Variants in TNKS1BP1 observed in about 807,000 individuals in gnomAD.
TNKS1BP1 encodes the protein 182 kDa tankyrase-1-binding protein.
Under a neutral mutation model 141.1 loss-of-function variants are expected in TNKS1BP1, and 48 were observed. The observed-to-expected ratio is 0.34, with a 90% confidence interval of 0.27 to 0.43. The LOEUF (loss-of-function observed/expected upper bound fraction) is 0.43, where lower values mean the gene tolerates loss of function less well. TNKS1BP1 is among the 20% of genes least tolerant of loss of function. The pLI, the probability that TNKS1BP1 is intolerant of heterozygous loss-of-function variation, is 1.00. For missense variants in TNKS1BP1, 2,149 were observed against 2,226.0 expected, an observed-to-expected ratio of 0.97 and a Z score of 0.70; for synonymous variants, 875 against 898.2, an observed-to-expected ratio of 0.97 and a Z score of 0.46.
At chr11:57,311,140 T>G in intron 5 of TNKS1BP1, 1 of 782,680 alleles carries the variant, frequency 1.3e-6, no homozygotes, top group Non-Finnish European at 1.6e-6. Context: ...GCCCTCACCC[T>G]GGCCCAGGAA....
At position 57,321,752 on chromosome 11, in the gene TNKS1BP1, C is replaced by G. The variant is rs113905141; in HGVS notation, c.94+40G>C. 396 of 1,473,652 alleles carry G rather than the reference C, an allele frequency of 2.7e-4. 2 individuals are homozygous for G. Among genetic ancestry groups the G allele is most frequent in the Non-Finnish European group, 6.5e-5 (69 of 1,067,218 alleles). 91.3% of individuals were successfully genotyped at this position (1,473,652 alleles called of 1,614,324 possible). A position where few individuals can be genotyped will look rare whatever the true frequency, so the allele number is the denominator to read the frequency against. ...GGGGCAGCCTCTGTCCTTCCCACCC[C>G]CCTCCCAGCCACCTGGCTCCACCCT... On this transcript the variant is annotated intron_variant, in intron 2 of 11. Transcript: ENST00000358252.
At position 57,309,877 on chromosome 11, in the gene TNKS1BP1, G is replaced by A. The variant is rs200570663; in HGVS notation, c.2834C>T (p.Ala945Val). ...VSLGTYGSRA[A>V]EPQEQEFGKS... ...CCCAAACTCCTGTTCCTGTGGCTCCGCAGCCCGGCTGCCATAGGTGCCGAG... is the reference window on the plus strand; with the variant it reads ...CCCAAACTCCTGTTCCTGTGGCTCCACAGCCCGGCTGCCATAGGTGCCGAG... Residue 945 changes from alanine to valine, a missense_variant, in exon 6 of 12, where the codon GCG (alanine) becomes GTG (valine). Ala to Val is a moderately conservative substitution (Grantham distance 64). Transcript: ENST00000358252. This position sits in a 1 kb window ranked among gnomAD's most constrained non-coding sequence, Gnocchi z 4.3. 1.4e-4 allele frequency: 227 copies of A among 1,608,438 alleles called. 1 individual carries two copies. The highest frequency in any genetic ancestry group is 8.1e-4 in the South Asian group (74 of 90,896).
chr11:57,301,894 T>C lies in TNKS1BP1; in HGVS notation c.4884A>G (p.Glu1628=). Residue 1628 remains glutamate (E), a synonymous_variant, in exon 9 of 12, where the codon GAA becomes GAG. Coordinates refer to ENST00000358252, the MANE Select transcript of TNKS1BP1 (RefSeq NM_033396.3). The stretch of plus-strand genomic sequence containing the variant: ...ACATCCGTGTCCGGCGGCTCTGAGG[T>C]TCCTCCACTACCTCTTCATCTGAAG... ...VPSSDEEVVE[E]PQSRRTRMSL... 4.3e-6 allele frequency: 7 copies of C among 1,613,622 alleles called. No individual in the cohort carries two copies. Among genetic ancestry groups the C allele is most frequent in the Non-Finnish European group, 5.1e-6 (6 of 1,179,900 alleles).
At position 57,302,702 on chromosome 11, in the gene TNKS1BP1, GCCC is replaced by G. The variant is rs1406182351; in HGVS notation, c.4437_4439del (p.Gly1480del). On this transcript the variant is annotated inframe_deletion, in exon 7 of 12. Transcript: ENST00000358252. This position sits in a 1 kb window ranked among gnomAD's most constrained non-coding sequence, Gnocchi z 5.5. Reference sequence around the variant, plus strand: ...CCCCGGCTCCTTCCTCCTCCAACAGGCCCCCAAGGCCCGAGGCCGCTGACTCCC... The same window carrying G: ...CCCCGGCTCCTTCCTCCTCCAACAGGCCAAGGCCCGAGGCCGCTGACTCCC... 3.1e-6 allele frequency: 5 copies of G among 1,603,112 alleles called. No homozygotes were observed. The highest frequency in any genetic ancestry group is 3.4e-6 in the Non-Finnish European group (4 of 1,177,370).
In TNKS1BP1 at chr11:57,312,589, C is replaced by T; in HGVS notation, c.2099G>A (p.Arg700Lys). The change falls in exon 5 of 12, where the codon AGG becomes AAG. Residue 700 changes from arginine to lysine, a missense_variant. Transcript: ENST00000358252. The stretch of plus-strand genomic sequence containing the variant: ...CTTCAGCTCAGCTCCAGCTCCCCGC[C>T]TTGCACCGCCACCACTGGGTGGTGG... Reference protein sequence around the residue: ...ASPPPSGGGARRGAGAELKDT... With the variant: ...ASPPPSGGGAKRGAGAELKDT... 6.6e-7 allele frequency: 1 copy of T among 1,522,780 alleles called. No individual in the cohort carries two copies. Among genetic ancestry groups the T allele is most frequent in the Non-Finnish European group, 8.8e-7 (1 of 1,137,206 alleles). The allele number at this position is 1,522,780 out of a possible 1,614,324, so 94.3% of individuals were successfully genotyped here.
At chr11:57,304,688 G>A (rs1049410165) in intron 6 of TNKS1BP1, among the ~76,000 whole-genome samples, 11 of 150,180 alleles carry the variant, frequency 7.3e-5, no homozygotes, top group African/African-American at 2.4e-4. Flanking sequence ...TGGACAACAT[G>A]GTGAAACTCT....
chr11:57,319,582 G>A (rs142322855), intron 3 of TNKS1BP1, among the ~76,000 whole-genome samples: 5,274 of 151,880 alleles, frequency 0.035, 132 homozygotes, highest in Non-Finnish European at 0.054. Context: ...CTGGCCAACA[G>A]GGTGAAACCC....
rs750803870 is a variant in TNKS1BP1 at position 57,321,840 on chromosome 11, G to A, written c.46C>T (p.Leu16=). The change falls in exon 2 of 12, where the codon CTG becomes TTG. Residue 16 remains leucine, a synonymous_variant. Transcript: ENST00000358252. The part of the protein sequence containing the change: ...LRESSAMASP[L]PREMEEELVP... ...AGCTCCTCCTCCATCTCCCGGGGCA[G>A]TGGGGAAGCCATGGCTGAGCTTTCC... is the stretch of plus-strand genomic sequence containing the variant. 1 of 1,613,972 alleles carries A rather than the reference G, an allele frequency of 6.2e-7. No individual in the cohort carries two copies. Among genetic ancestry groups the A allele is most frequent in the Non-Finnish European group, 8.5e-7 (1 of 1,179,960 alleles).
rs1855666530 is a variant in TNKS1BP1 at position 57,309,386 on chromosome 11, A to G, written c.3325T>C (p.Trp1109Arg). ...EAAFSPGQQD[W>R]SRDFCIEASE... Reference sequence around the variant, plus strand: ...GCCTCGATGCAGAAGTCCCGGCTCCAGTCCTGCTGCCCTGGGCTAAATGCT... The same window carrying G: ...GCCTCGATGCAGAAGTCCCGGCTCCGGTCCTGCTGCCCTGGGCTAAATGCT... Residue 1109 changes from tryptophan (W) to arginine (R), a missense_variant, in exon 6 of 12, where the codon TGG becomes CGG. Physicochemically the swap from Trp to Arg is moderately radical, Grantham distance 101. Coordinates refer to ENST00000358252, the MANE Select transcript of TNKS1BP1 (RefSeq NM_033396.3). The surrounding 1 kb of genome is among the most constrained non-coding windows in gnomAD (Gnocchi z 4.3). 6.2e-7 allele frequency: 1 copy of G among 1,614,044 alleles called. No individual in the cohort carries two copies. The highest frequency in any genetic ancestry group is 1.7e-5 in the Admixed American group (1 of 60,008).
At chr11:57,305,591 T>C (rs1044598157) in intron 6 of TNKS1BP1, among the ~76,000 whole-genome samples, 1 of 152,042 alleles carries the variant, frequency 6.6e-6, no homozygotes, top group African/African-American at 2.4e-5. Context: ...AAGATGTGTC[T>C]AGAGAAATAG....
Position 57,302,249 on chromosome 11 carries a change from C to T in TNKS1BP1, c.4684-25G>A. 2 of 1,595,014 alleles carry T rather than the reference C, an allele frequency of 1.3e-6. No homozygotes were observed. Among genetic ancestry groups the T allele is most frequent in the Non-Finnish European group, 1.7e-6 (2 of 1,168,502 alleles). Reference sequence around the variant, plus strand: ...CCTGCTTGGGGCAATGGTGACACCACTGCCATTGCTGCCTCATCCCACGGG... The same window carrying T: ...CCTGCTTGGGGCAATGGTGACACCATTGCCATTGCTGCCTCATCCCACGGG... On this transcript the variant is annotated intron_variant, in intron 7 of 11. Coordinates refer to ENST00000358252, the MANE Select transcript of TNKS1BP1 (RefSeq NM_033396.3). This position sits in a 1 kb window ranked among gnomAD's most constrained non-coding sequence, Gnocchi z 5.5.
chr11:57,312,240 T>G (rs1855724079), intron 5 of TNKS1BP1, among the ~76,000 whole-genome samples: 1 of 152,172 alleles, frequency 6.6e-6, no homozygotes, highest in South Asian at 2.1e-4. Flanking sequence ...AATATAACTC[T>G]AAGAGGCCAA....
rs1855658938 is a variant in TNKS1BP1, at chr11:57,309,021, A to G, written c.3690T>C (p.Asp1230=). The G allele has an allele frequency of 1.2e-6, 2 of 1,613,842 alleles. No individual in the cohort carries two copies. Among genetic ancestry groups the G allele is most frequent in the Non-Finnish European group, 1.7e-6 (2 of 1,179,992 alleles). Residue 1230 remains aspartate (D), a synonymous_variant, in exon 6 of 12, where the codon GAT becomes GAC. Coordinates refer to ENST00000358252, the MANE Select transcript of TNKS1BP1 (RefSeq NM_033396.3). The surrounding 1 kb of genome is among the most constrained non-coding windows in gnomAD (Gnocchi z 4.3). Reference sequence around the variant, plus strand: ...CCAAATCTTTGCTCTTCACATTAACATCAGAAGTCCAGTCCTTCTCCCCAA... The same window carrying G: ...CCAAATCTTTGCTCTTCACATTAACGTCAGAAGTCCAGTCCTTCTCCCCAA... The part of the protein sequence containing the change: ...IGVGEKDWTS[D]VNVKSKDLAE...
intron 4 of TNKS1BP1, among the ~76,000 whole-genome samples, chr11:57,316,062 G>C (rs11228996): frequency 0.095 from 14,388 of 152,054 alleles, 707 homozygotes; most frequent in Middle Eastern, 0.12. Flanking sequence ...AGTTCTTCTT[G>C]TCCCCTTCTC....
intron 3 of TNKS1BP1, among the ~76,000 whole-genome samples, chr11:57,318,923 T>C (rs1210664915): frequency 1.3e-5 from 2 of 152,120 alleles, no homozygotes; most frequent in Non-Finnish European, 2.9e-5. Flanking sequence ...GGCAGGCAGA[T>C]CACGAGGTCA....
rs139621627 is a variant in TNKS1BP1 at position 57,308,513 on chromosome 11, C to G, written c.4198G>C (p.Gly1400Arg). Reference sequence around the variant, plus strand: ...TCTGGCCCACTTGTCTCACCAACCCCCAGCTCCCTGGCCTCCAAGGGGTCT... The same window carrying G: ...TCTGGCCCACTTGTCTCACCAACCCGCAGCTCCCTGGCCTCCAAGGGGTCT... ...ARDPLEAREL[G>R]VGETSGPETQ... The change falls in exon 6 of 12, where the codon GGG becomes CGG. Residue 1400 changes from glycine to arginine, a missense_variant. Gly to Arg is a moderately radical substitution (Grantham distance 125). Transcript: ENST00000358252. 6.2e-7 allele frequency: 1 copy of G among 1,614,200 alleles called. No individual in the cohort carries two copies. Among genetic ancestry groups the G allele is most frequent in the Non-Finnish European group, 8.5e-7 (1 of 1,180,034 alleles).
Position 57,313,341 on chromosome 11 carries a change from G to GA in TNKS1BP1, c.1346_1347insT (p.Leu450ProfsTer53). 1 of 1,612,802 alleles carries GA rather than the reference G, an allele frequency of 6.2e-7. No individual in the cohort carries two copies. ...ACTGGCTCCCCTGGCCTTGGGGCAG[G>GA]GCAGCCAGCGAGCCCCCCAGCTTCT... On this transcript the variant is annotated frameshift_variant, in exon 5 of 12. Transcript: ENST00000358252. LOFTEE classifies it high-confidence loss of function.
At chr11:57,322,319 G>A in intron 1 of TNKS1BP1, 2 of 992,552 alleles carry the variant, frequency 2.0e-6, no homozygotes, top group Non-Finnish European at 2.4e-6. Flanking sequence ...AAAGTATGAA[G>A]TCTGTCTGTG....
intron 1 of TNKS1BP1, chr11:57,322,350 GAAAAA>G: frequency 1.0e-6 from 1 of 985,174 alleles, no homozygotes; most frequent in Non-Finnish European, 1.2e-6. Flanking sequence ...CGGGAGACGG[GAAAAA>G]CCCGCTCCTC....
Sources: gnomAD v4.1 joint callset for allele counts (sites outside exome capture counted in the v4.1 genomes callset) on GRCh38, gnomAD v4.1.1 for gene constraint, Gnocchi (gnomAD v3.1) non-coding constraint, MANE v1.5 for transcripts, NCBI Gene and HGNC (gene_info 2026-07-23, HGNC 2026-07-21) for gene names.